Variants in FOXP1 observed in about 807,000 individuals in gnomAD.
FOXP1 encodes forkhead box protein P1.
In FOXP1, 15 loss-of-function variants were observed where a neutral mutation model predicts 98.2. The ratio of observed to expected loss-of-function variants is 0.15; its 90% CI spans 0.10 to 0.24. The LOEUF is 0.24. FOXP1 is among the 10% of genes least tolerant of loss of function. The probability of loss-of-function intolerance (pLI) is 1.00; values close to 1 mark genes in which losing one functional copy is unlikely to be tolerated. For synonymous variants in FOXP1, 371 were observed against 314.5 expected (o/e 1.18, Z -1.90); for missense variants, 633 against 848.5 (o/e 0.75, Z 3.15).
chr3:71,322,788 G>A (rs977308625), intron 4 of FOXP1, among the ~76,000 whole-genome samples: 1 of 152,290 alleles, frequency 6.6e-6, no homozygotes. Flanking sequence ...CAGAGATGCG[G>A]ATGCAGTAGA....
chr3:71,488,540 C>A (rs771605877), intron 3 of FOXP1, among the ~76,000 whole-genome samples: 8 of 152,164 alleles, frequency 5.3e-5, no homozygotes, highest in African/African-American at 1.7e-4. Context: ...ATTACCTCCA[C>A]GTAAATGTCA....
At chr3:71,257,145 T>C (rs973032551) in intron 5 of FOXP1, among the ~76,000 whole-genome samples, 3 of 152,210 alleles carry the variant, frequency 2.0e-5, no homozygotes, top group Non-Finnish European at 1.5e-5. Context: ...TATTGTGATA[T>C]AGTGCTTCTT....
At chr3:71,197,925 C>CG in intron 6 of FOXP1, 1 of 1,614,224 alleles carries the variant, frequency 6.2e-7, no homozygotes, top group South Asian at 1.1e-5. Flanking sequence ...AAGGGTTAGG[C>CG]TGACACACAG....
intron 3 of FOXP1, among the ~76,000 whole-genome samples, chr3:71,460,735 G>A (rs945466744): frequency 6.6e-6 from 1 of 152,098 alleles, no homozygotes; most frequent in Non-Finnish European, 1.5e-5. Flanking sequence ...TACCGCGCCT[G>A]GCCTAATTTT....
At chr3:71,417,633 T>A (rs2083315344) in intron 3 of FOXP1, among the ~76,000 whole-genome samples, 1 of 152,128 alleles carries the variant, frequency 6.6e-6, no homozygotes, top group African/African-American at 2.4e-5. Context: ...AAAAATTGAC[T>A]ATATTTTATG....
At chr3:71,499,333 A>C (rs1277902313) in intron 2 of FOXP1, among the ~76,000 whole-genome samples, 1 of 152,172 alleles carries the variant, frequency 6.6e-6, no homozygotes, top group Non-Finnish European at 1.5e-5. Flanking sequence ...CCTTATGCAA[A>C]AGTCAAATTC....
intron 4 of FOXP1, among the ~76,000 whole-genome samples, chr3:71,303,299 T>C (rs907081502): frequency 3.9e-5 from 6 of 152,166 alleles, no homozygotes; most frequent in South Asian, 2.1e-4. Flanking sequence ...TGAGAACCTA[T>C]TGTGTACCAG....
chr3:71,466,628 G>A (rs1474266514), intron 3 of FOXP1, among the ~76,000 whole-genome samples: 2 of 152,126 alleles, frequency 1.3e-5, no homozygotes, highest in Admixed American at 6.5e-5. Context: ...AGCTTAGGGG[G>A]TGGGTGCAGA....
intron 11 of FOXP1, among the ~76,000 whole-genome samples, chr3:71,022,427 G>A (rs2045570043): frequency 2.6e-5 from 4 of 152,194 alleles, no homozygotes; most frequent in Admixed American, 2.0e-4. Flanking sequence ...GGTAGGGGGA[G>A]AGATAGGTTT....
chr3:70,970,726 T>C lies in FOXP1; in HGVS notation c.1722+10A>G. 6.2e-7 allele frequency: 1 copy of C among 1,611,278 alleles called. No individual in the cohort carries two copies. Among genetic ancestry groups the C allele is most frequent in the Non-Finnish European group, 8.5e-7 (1 of 1,177,370 alleles). ...CTCTGCTGCATATTCGGGACGGCCG[T>C]TAATCTTACCTGTAAAGCTGCATTG... On this transcript the variant is annotated intron_variant, in intron 19 of 20. Coordinates refer to ENST00000649528, the MANE Select transcript of FOXP1 (RefSeq NM_001349338.3).
At chr3:71,538,109 A>C (rs149552411) in intron 2 of FOXP1, among the ~76,000 whole-genome samples, 1 of 152,228 alleles carries the variant, frequency 6.6e-6, no homozygotes, top group African/African-American at 2.4e-5. Flanking sequence ...AAGAGAGCAC[A>C]ATCAGCAGTG....
chr3:71,198,983 C>G (rs1010120813), intron 5 of FOXP1, among the ~76,000 whole-genome samples: 1 of 151,904 alleles, frequency 6.6e-6, no homozygotes, highest in Non-Finnish European at 1.5e-5. Context: ...GCCACTGCGC[C>G]GGGCCCAAGA....
At chr3:71,299,348 G>C (rs2073641854) in intron 5 of FOXP1, among the ~76,000 whole-genome samples, 1 of 152,198 alleles carries the variant, frequency 6.6e-6, no homozygotes, top group Non-Finnish European at 1.5e-5. Context: ...CATCAATGTG[G>C]CGTGTTGCTA....
intron 1 of FOXP1, chr3:71,582,802 A>T (rs2048291875): frequency 1.0e-6 from 1 of 983,980 alleles, no homozygotes; most frequent in Admixed American, 6.2e-5. Flanking sequence ...GCGTGTTTGA[A>T]TTTTCCGGGC....
intron 5 of FOXP1, among the ~76,000 whole-genome samples, chr3:71,231,143 G>A (rs2066253641): frequency 6.6e-6 from 1 of 152,196 alleles, no homozygotes; most frequent in Non-Finnish European, 1.5e-5. Flanking sequence ...TTCTTTCAAT[G>A]AGGACAATTT....
chr3:70,973,613 C>A (rs2036816904), intron 17 of FOXP1, among the ~76,000 whole-genome samples: 1 of 152,120 alleles, frequency 6.6e-6, no homozygotes, highest in African/African-American at 2.4e-5. Flanking sequence ...TTTCTTTAGT[C>A]CCGCCTGGTT....
Position 71,519,825 on chromosome 3 carries a change from G to A in FOXP1, c.-297-26270C>T, listed in dbSNP as rs80122517. 9.0e-3 allele frequency among the ~76,000 whole-genome samples: 1,369 copies of A among 152,334 alleles called. 18 individuals are homozygous for A. The highest frequency in any genetic ancestry group is 0.031 in the African/African-American group (1,280 of 41,566). On this transcript the variant is annotated intron_variant, in intron 2 of 20. Transcript: ENST00000649528. The stretch of plus-strand genomic sequence containing the variant: ...ATAAAGGTGCTAACCAGCTGCACTG[G>A]GATGTAAGCAAATGCTTTGTTCTCT...
intron 7 of FOXP1, among the ~76,000 whole-genome samples, chr3:71,107,229 G>A (rs1005259320): frequency 1.3e-5 from 2 of 152,130 alleles, no homozygotes; most frequent in Non-Finnish European, 2.9e-5. Context: ...CAAAATTTTG[G>A]AGGCAAGGAC....
chr3:70,977,369 G>A (rs1278546756), intron 16 of FOXP1, among the ~76,000 whole-genome samples: 1 of 152,150 alleles, frequency 6.6e-6, no homozygotes, highest in East Asian at 1.9e-4. Context: ...ATTAATTCTA[G>A]GGATCAGAGA....
Sources: gnomAD v4.1 joint callset for allele counts (sites outside exome capture counted in the v4.1 genomes callset) on GRCh38, gnomAD v4.1.1 for gene constraint, MANE v1.5 for transcripts, NCBI Gene and HGNC (gene_info 2026-07-23, HGNC 2026-07-21) for gene names.